RGS3: variants seen among roughly 807,000 people sequenced by gnomAD.
RGS3 encodes the protein regulator of G-protein signalling 3.
RGS3 carries 80 observed loss-of-function variants against 132.6 expected under a neutral mutation model. The ratio of observed to expected loss-of-function variants is 0.60; its 90% CI spans 0.50 to 0.73. RGS3 has a LOEUF of 0.73. RGS3 is among the 30% of genes least tolerant of loss of function. RGS3 has a pLI of 0.00. For synonymous variants in RGS3, 598 were observed against 620.6 expected (o/e 0.96, Z 0.54); for missense variants, 1,382 against 1,530.8 (o/e 0.90, Z 1.62).
At chr9:113,491,133 C>G (rs990180698) in intron 7 of RGS3, among the ~76,000 whole-genome samples, 5 of 140,204 alleles carry the variant, frequency 3.6e-5, no homozygotes, top group Non-Finnish European at 7.6e-5. Flanking sequence ...ATTATATATA[C>G]TAATATATAA....
At chr9:113,474,696 C>G (rs1461246802) in intron 3 of RGS3, among the ~76,000 whole-genome samples, 1 of 152,176 alleles carries the variant, frequency 6.6e-6, no homozygotes, top group Non-Finnish European at 1.5e-5. Context: ...TATCATCACC[C>G]TTCCTGTAGC....
intron 3 of RGS3, among the ~76,000 whole-genome samples, chr9:113,477,992 TCAC>T (rs1830045506): frequency 6.6e-6 from 1 of 152,260 alleles, no homozygotes; most frequent in Non-Finnish European, 1.5e-5. Flanking sequence ...ATTTTCGATG[TCAC>T]CGAGGAAGAG....
At chr9:113,584,017 G>T (rs2118984222) in exon 20 of RGS3, 2 of 1,614,160 alleles carry the variant, frequency 1.2e-6, no homozygotes, top group Middle Eastern at 1.7e-4. Context: ...CAGCCAGAAG[G>T]CAGGGGCAGA....
intron 18 of RGS3, among the ~76,000 whole-genome samples, chr9:113,531,543 G>T (rs1832465973): frequency 6.6e-6 from 1 of 152,186 alleles, no homozygotes; most frequent in South Asian, 2.1e-4. Flanking sequence ...TATTGTTATT[G>T]TCAGTTTCAA....
At chr9:113,526,813 T>C (rs1287845937) in intron 17 of RGS3, among the ~76,000 whole-genome samples, 1 of 152,184 alleles carries the variant, frequency 6.6e-6, no homozygotes, top group Non-Finnish European at 1.5e-5. Context: ...CCTTGTTGCA[T>C]TTCAAAATGC....
chr9:113,468,789 A>G (rs1009147032), intron 3 of RGS3, among the ~76,000 whole-genome samples: 5 of 152,090 alleles, frequency 3.3e-5, no homozygotes, highest in Non-Finnish European at 5.9e-5. Flanking sequence ...TCTGCAGGGT[A>G]TCTGGGTCTG....
intron 10 of RGS3, among the ~76,000 whole-genome samples, chr9:113,499,942 T>C (rs1830814280): frequency 6.6e-6 from 1 of 152,230 alleles, no homozygotes; most frequent in Non-Finnish European, 1.5e-5. Context: ...TGTGGGGAAC[T>C]GCAAAGACCT....
exon 24 of RGS3, chr9:113,595,679 T>A: frequency 6.2e-7 from 1 of 1,614,178 alleles, no homozygotes; most frequent in Non-Finnish European, 8.5e-7. Flanking sequence ...TTGTGAGGAC[T>A]TCAAGAAGGT....
At chr9:113,477,192 A>C (rs942119370) in intron 3 of RGS3, among the ~76,000 whole-genome samples, 1 of 152,128 alleles carries the variant, frequency 6.6e-6, no homozygotes, top group African/African-American at 2.4e-5. Flanking sequence ...TGCCAGCATT[A>C]TCTGATCACA....
chr9:113,479,657 G>A (rs79035455), intron 4 of RGS3, 116 bp downstream of exon 2: 17,378 of 903,576 alleles, frequency 0.019, 867 homozygotes, highest in East Asian at 0.14. Context: ...TCTCATCCTT[G>A]TATAAAGGAT....
At chr9:113,592,410 A>C (rs1835484766) in intron 21 of RGS3, 1 of 152,028 alleles carries the variant, frequency 6.6e-6, no homozygotes, top group African/African-American at 2.4e-5. Flanking sequence ...TGTGTGGCGC[A>C]GAGGGCAGGC....
At chr9:113,589,667 G>A (rs544696034) in intron 20 of RGS3, among the ~76,000 whole-genome samples, 1 of 152,312 alleles carries the variant, frequency 6.6e-6, no homozygotes, top group East Asian at 1.9e-4. Flanking sequence ...GGCCTTGCCA[G>A]GCCAGCATGA....
At chr9:113,518,556 G>C (rs1369560102) in intron 16 of RGS3, among the ~76,000 whole-genome samples, 1 of 152,232 alleles carries the variant, frequency 6.6e-6, no homozygotes, top group Non-Finnish European at 1.5e-5. Flanking sequence ...ATGTGTGACT[G>C]TGGCTGAAGC....
chr9:113,559,136 ACT>A (rs1217124933), intron 19 of RGS3, among the ~76,000 whole-genome samples: 1 of 152,238 alleles, frequency 6.6e-6, no homozygotes, highest in African/African-American at 2.4e-5. Context: ...TGTGTGGAGA[ACT>A]GTTTCCAGCA....
chr9:113,529,074 A>C, intron 17 of RGS3, 147 bp from the exon 16 acceptor site: 1 of 687,960 alleles, frequency 1.5e-6, no homozygotes, highest in South Asian at 1.7e-5. Context: ...TCCTCCAGAG[A>C]CTTCCCTGCC....
chr9:113,563,337 CACAGAG>C (rs1833868013), intron 19 of RGS3, among the ~76,000 whole-genome samples: 1 of 152,166 alleles, frequency 6.6e-6, no homozygotes, highest in South Asian at 2.1e-4. Flanking sequence ...CAGGGCCTAA[CACAGAG>C]CCTGGCACAG....
chr9:113,477,059 A>G (rs1308771460), intron 3 of RGS3, among the ~76,000 whole-genome samples: 4 of 151,972 alleles, frequency 2.6e-5, no homozygotes, highest in African/African-American at 9.7e-5. Context: ...CCCACACTAG[A>G]TTGGGCACAG....
chr9:113,448,998 G>T (rs186156370), intron 1 of RGS3, among the ~76,000 whole-genome samples: 4 of 152,326 alleles, frequency 2.6e-5, no homozygotes, highest in Admixed American at 6.5e-5. Context: ...TCCTATCTCA[G>T]AAGAGTAGGA....
chr9:113,522,081 C>G (rs998573070), intron 16 of RGS3, among the ~76,000 whole-genome samples: 1 of 152,186 alleles, frequency 6.6e-6, no homozygotes, highest in Non-Finnish European at 1.5e-5. Context: ...AGTGGATTTT[C>G]TTAGCATAAA....
Sources: gnomAD v4.1 joint callset for allele counts (sites outside exome capture counted in the v4.1 genomes callset) on GRCh38, gnomAD v4.1.1 for gene constraint, MANE v1.5 for transcripts, NCBI Gene and HGNC (gene_info 2026-07-23, HGNC 2026-07-21) for gene names.